Variants in NAV2 observed in about 807,000 individuals in gnomAD.
NAV2 encodes the protein helicase, APC down-regulated 1.
Under a neutral mutation model 223.2 loss-of-function variants are expected in NAV2, and 54 were observed. That is an observed-to-expected ratio of 0.24 (90% CI 0.19 to 0.30). The LOEUF is 0.30. NAV2 is among the 10% of genes least tolerant of loss of function. The pLI, the probability that NAV2 is intolerant of heterozygous loss-of-function variation, is 1.00. For missense variants in NAV2, 2,806 were observed against 3,147.5 expected (o/e 0.89, Z 2.60); for synonymous variants, 1,279 against 1,239.3 (o/e 1.03, Z -0.67).
chr11:19,731,359 A>T (rs1253940243), intron 1 of NAV2, among the ~76,000 whole-genome samples: 2 of 152,224 alleles, frequency 1.3e-5, no homozygotes, highest in African/African-American at 4.8e-5. Flanking sequence ...AAGCTTTGGG[A>T]TACAATTGCA....
intron 1 of NAV2, among the ~76,000 whole-genome samples, chr11:19,369,785 G>A (rs770895631): frequency 1.6e-4 from 24 of 152,234 alleles, no homozygotes; most frequent in Non-Finnish European, 2.2e-4. Context: ...ATATCGAGCC[G>A]GTGCATCAGG....
intron 6 of NAV2, among the ~76,000 whole-genome samples, chr11:19,910,188 G>C (rs910024668): frequency 6.6e-6 from 1 of 152,220 alleles, no homozygotes; most frequent in East Asian, 1.9e-4. Context: ...CTAAGGGCCA[G>C]TGTTGACATT....
At chr11:20,051,120 G>T (rs2057961789) in intron 16 of NAV2, among the ~76,000 whole-genome samples, 169 bp from the exon 17 acceptor site, 1 of 152,198 alleles carries the variant, frequency 6.6e-6, no homozygotes, top group Admixed American at 6.5e-5. Context: ...GGTTTCTTTT[G>T]TTTTCCACGG....
intron 1 of NAV2, among the ~76,000 whole-genome samples, chr11:19,615,528 C>T (rs903589999): frequency 6.6e-6 from 1 of 151,866 alleles, no homozygotes; most frequent in Admixed American, 6.6e-5. Context: ...CCCATATACA[C>T]ATATATAAAA....
chr11:20,021,150 T>G (rs755416281), intron 11 of NAV2, among the ~76,000 whole-genome samples: 1 of 152,226 alleles, frequency 6.6e-6, no homozygotes, highest in Non-Finnish European at 1.5e-5. Context: ...TCCCGAGCAT[T>G]TATTGCTAAT....
intron 22 of NAV2, among the ~76,000 whole-genome samples, chr11:20,075,800 C>T (rs1273003801): frequency 6.7e-6 from 1 of 149,640 alleles, no homozygotes; most frequent in Admixed American, 6.7e-5. Context: ...GCTTATCCAG[C>T]GTTGATTCCT....
intron 1 of NAV2, among the ~76,000 whole-genome samples, chr11:19,739,821 C>A (rs1405576124): frequency 6.6e-6 from 1 of 152,198 alleles, no homozygotes; most frequent in African/African-American, 2.4e-5. Flanking sequence ...AAGAAGGAAG[C>A]AGCGGCTGGC....
At chr11:20,115,370 C>T (rs2062971095) in intron 37 of NAV2, among the ~76,000 whole-genome samples, 1 of 152,040 alleles carries the variant, frequency 6.6e-6, no homozygotes, top group South Asian at 2.1e-4. Context: ...TGGGGTGGCT[C>T]ACACCTGTAA....
rs797005203 is a variant in NAV2 at position 20,019,688 on chromosome 11, T to A, written c.2769-16271T>A. Among the ~76,000 whole-genome samples the A allele has an allele frequency of 5.3e-5, 8 of 151,822 alleles. No individual in the cohort carries two copies. The East Asian group carries it at 1.6e-3, about 30-fold the overall frequency. ...TGAAGAGGAGGGTGAGCCTAGGAGA[T>A]TGAGAAGCGCAGTTAGGGAGGTAGG... On this transcript the variant is annotated intron_variant, in intron 11 of 37. Transcript: ENST00000349880.
At chr11:19,989,540 A>G (rs2051125140) in intron 11 of NAV2, among the ~76,000 whole-genome samples, 1 of 152,194 alleles carries the variant, frequency 6.6e-6, no homozygotes. Context: ...CTAAGTTTAT[A>G]TTAACTTGTT....
intron 1 of NAV2, among the ~76,000 whole-genome samples, chr11:19,455,148 G>T (rs184037639): frequency 3.3e-5 from 5 of 152,332 alleles, no homozygotes; most frequent in Admixed American, 2.0e-4. Context: ...GGTAGGTCTT[G>T]GTAGGGCCAG....
chr11:20,012,899 T>A (rs2153515004), intron 11 of NAV2, among the ~76,000 whole-genome samples: 1 of 152,330 alleles, frequency 6.6e-6, no homozygotes, highest in Admixed American at 6.5e-5. Context: ...CAGTGTGGCC[T>A]TGGGCATCTT....
At chr11:19,967,561 T>A (rs1048384903) in intron 10 of NAV2, among the ~76,000 whole-genome samples, 15 of 151,916 alleles carry the variant, frequency 9.9e-5, no homozygotes, top group African/African-American at 3.4e-4. Context: ...GTTAGACAGG[T>A]TTTTTATTGC....
At position 19,354,051 on chromosome 11, in the gene NAV2, A is replaced by G. The variant is rs544407744; in HGVS notation, c.75+3024A>G. 2.6e-5 allele frequency among the ~76,000 whole-genome samples: 4 copies of G among 152,322 alleles called. No homozygotes were observed. In the East Asian group the frequency reaches 7.7e-4, roughly 29 times the overall value. The stretch of plus-strand genomic sequence containing the variant: ...TAGAAGTGCCAAAATTTATATTATT[A>G]ATCCCTTATAGATGTATATTTAGGA... On this transcript the variant is annotated intron_variant, in intron 1 of 37. Transcript: ENST00000360655.
At chr11:19,578,096 C>T (rs1257380986) in intron 1 of NAV2, among the ~76,000 whole-genome samples, 2 of 152,212 alleles carry the variant, frequency 1.3e-5, no homozygotes, top group Non-Finnish European at 2.9e-5. Flanking sequence ...CCCCTCCCCA[C>T]CACCCCTTCT....
chr11:19,382,245 A>G (rs1848867498), intron 1 of NAV2, among the ~76,000 whole-genome samples: 1 of 152,326 alleles, frequency 6.6e-6, no homozygotes, highest in Middle Eastern at 3.4e-3. Flanking sequence ...CCAGTGTACA[A>G]TGGGACAGGA....
chr11:20,080,266 C>T (rs985214537), intron 25 of NAV2, 57 bp downstream of exon 25: 5 of 1,513,906 alleles, frequency 3.3e-6, no homozygotes, highest in Non-Finnish European at 4.5e-6. Flanking sequence ...GCAGAACTGG[C>T]TGCTGCATCT....
At chr11:19,767,703 T>A (rs1195680352) in intron 1 of NAV2, among the ~76,000 whole-genome samples, 1 of 152,234 alleles carries the variant, frequency 6.6e-6, no homozygotes, top group Non-Finnish European at 1.5e-5. Context: ...ATAATCTGCA[T>A]GTGCAGATGA....
At position 19,933,972 on chromosome 11, in the gene NAV2, C is replaced by A. The variant is rs754443258; in HGVS notation, c.1728C>A (p.Ser576=). The A allele has an allele frequency of 1.6e-5, 25 of 1,596,966 alleles. No homozygotes were observed. In the South Asian group the frequency reaches 2.7e-4, roughly 17 times the overall value. The change falls in exon 7 of 38, where the codon TCC becomes TCA. Residue 576 remains serine (S), a synonymous_variant. Coordinates refer to ENST00000349880, the MANE Select transcript of NAV2 (RefSeq NM_145117.5). This position sits in a 1 kb window ranked among gnomAD's most constrained non-coding sequence, Gnocchi z 4.3. ...KPGMKSMPGK[S]PSAPAPSKEG... ...GAATGAAAAGCATGCCCGGGAAATC[C>A]CCAAGTGCCCCAGCGCCTTCCAAGG... is the stretch of plus-strand genomic sequence containing the variant.
Sources: allele counts gnomAD v4.1 joint callset (sites outside exome capture counted in the v4.1 genomes callset), GRCh38; gene constraint gnomAD v4.1.1; non-coding constraint Gnocchi (gnomAD v3.1); transcripts MANE v1.5; gene names NCBI Gene and HGNC (gene_info 2026-07-23, HGNC 2026-07-21).